CA10: variants seen among roughly 807,000 people sequenced by gnomAD.
CA10 encodes the protein carbonic anhydrase-related protein 10.
In CA10, 14 loss-of-function variants were observed where a neutral mutation model predicts 44.2. The ratio of observed to expected loss-of-function variants is 0.32; its 90% CI spans 0.21 to 0.50. CA10 has a LOEUF of 0.50. Among genes scored for constraint, CA10 ranks in the 20% least tolerant of loss-of-function variants. The pLI is 0.99. For missense variants in CA10, 350 were observed against 409.7 expected, an observed-to-expected ratio of 0.85 and a Z score of 1.26; for synonymous variants, 159 against 141.6, an observed-to-expected ratio of 1.12 and a Z score of -0.87.
intron 3 of CA10, among the ~76,000 whole-genome samples, chr17:51,799,234 G>A (rs927359869): frequency 5.9e-5 from 9 of 152,070 alleles, no homozygotes; most frequent in South Asian, 2.1e-4. Flanking sequence ...CAGTTATTTA[G>A]TTCCTTAACA....
chr17:51,777,984 G>C, intron 3 of CA10, among the ~76,000 whole-genome samples: 1 of 152,078 alleles, frequency 6.6e-6, no homozygotes, highest in Non-Finnish European at 1.5e-5. Context: ...TATTGATGGA[G>C]CCTCATCTGT....
chr17:51,979,376 A>G (rs1417617096), intron 2 of CA10, among the ~76,000 whole-genome samples: 1 of 152,122 alleles, frequency 6.6e-6, no homozygotes, highest in African/African-American at 2.4e-5. Flanking sequence ...GTGAATATTT[A>G]TTATATAGGT....
chr17:51,902,502 C>G (rs977340126), intron 3 of CA10, among the ~76,000 whole-genome samples: 13 of 152,118 alleles, frequency 8.5e-5, no homozygotes, highest in African/African-American at 2.2e-4. Context: ...AAATGAGGGG[C>G]AGTGAGCATA....
At chr17:51,887,991 C>T (rs370649657) in intron 3 of CA10, among the ~76,000 whole-genome samples, 5 of 152,056 alleles carry the variant, frequency 3.3e-5, no homozygotes, top group East Asian at 1.9e-4. Flanking sequence ...CGCCACTGCA[C>T]TCCAGTCTGG....
Position 51,696,869 on chromosome 17 carries a change from G to T in CA10, c.466-43133C>A, listed in dbSNP as rs193163689. On this transcript the variant is annotated intron_variant, in intron 4 of 8. Transcript: ENST00000451037. The stretch of plus-strand genomic sequence containing the variant: ...GGCAGCAAAAAACAAACATATAGTT[G>T]CATCAAACTAAAACGAGTTTGATGC... Among the ~76,000 whole-genome samples the T allele has an allele frequency of 3.3e-5, 5 of 152,206 alleles. No individual in the cohort carries two copies. In the East Asian group the frequency reaches 9.7e-4, roughly 29 times the overall value.
At chr17:51,902,679 T>C (rs1410369265) in intron 3 of CA10, among the ~76,000 whole-genome samples, 3 of 152,220 alleles carry the variant, frequency 2.0e-5, no homozygotes, top group Admixed American at 2.0e-4. Context: ...AAGATATTTA[T>C]GGATGAAGAT....
chr17:52,035,177 C>T (rs1444590003), intron 2 of CA10, among the ~76,000 whole-genome samples: 1 of 152,130 alleles, frequency 6.6e-6, no homozygotes, highest in Non-Finnish European at 1.5e-5. Flanking sequence ...CCACCCATGG[C>T]CCCACCATGC....
At position 51,649,972 on chromosome 17, in the gene CA10, TCCAGCCAGCCAGTCAGCCAGCCAG is replaced by T. The variant is rs560552699; in HGVS notation, c.562-742_562-719del. Reference sequence around the variant, plus strand: ...ATTCAATCAACCAACCATCCATCCATCCAGCCAGCCAGTCAGCCAGCCAGCCAGCCAGCCACCCACCCAACAAAT... The same window carrying T: ...ATTCAATCAACCAACCATCCATCCATCCAGCCAGCCACCCACCCAACAAAT... On this transcript the variant is annotated intron_variant, in intron 5 of 8. Transcript: ENST00000451037. Among the ~76,000 whole-genome samples, 664 of 119,520 alleles carry T rather than the reference TCCAGCCAGCCAGTCAGCCAGCCAG, an allele frequency of 5.6e-3. 6 individuals carry two copies. Among genetic ancestry groups the T allele is most frequent in the African/African-American group, 0.019 (639 of 34,320 alleles). 78.4% of individuals were successfully genotyped at this position (119,520 alleles called of 152,430 possible).
chr17:52,033,128 A>G (rs1052649335), intron 2 of CA10, among the ~76,000 whole-genome samples: 1 of 152,200 alleles, frequency 6.6e-6, no homozygotes, highest in African/African-American at 2.4e-5. Flanking sequence ...GGAAAAATAG[A>G]TGTTGTTAAG....
chr17:51,818,624 C>G (rs917028137), intron 3 of CA10, among the ~76,000 whole-genome samples: 1 of 152,058 alleles, frequency 6.6e-6, no homozygotes, highest in African/African-American at 2.4e-5. Flanking sequence ...GGATCGCTTT[C>G]GTGATGATGG....
chr17:51,787,553 C>A (rs1906339985), intron 3 of CA10, among the ~76,000 whole-genome samples: 1 of 151,496 alleles, frequency 6.6e-6, no homozygotes. Flanking sequence ...TGCAGTGGTA[C>A]AATCTCAGCT....
intron 4 of CA10, among the ~76,000 whole-genome samples, chr17:51,677,341 T>C (rs1914658639): frequency 2.6e-5 from 4 of 152,072 alleles, no homozygotes; most frequent in Non-Finnish European, 5.9e-5. Flanking sequence ...GAGTGAGTTA[T>C]CATGAGATGT....
intron 1 of CA10, among the ~76,000 whole-genome samples, chr17:52,127,378 C>T (rs916453065): frequency 1.3e-5 from 2 of 148,890 alleles, no homozygotes; most frequent in African/African-American, 4.9e-5. Flanking sequence ...TGGGCTGTTT[C>T]TGATGTACTA....
At chr17:52,041,001 T>C (rs906885516) in intron 2 of CA10, among the ~76,000 whole-genome samples, 2 of 151,880 alleles carry the variant, frequency 1.3e-5, no homozygotes, top group South Asian at 4.2e-4. Context: ...AGGTAAATAA[T>C]ACACACAACA....
intron 2 of CA10, among the ~76,000 whole-genome samples, chr17:52,056,169 A>G (rs772107714): frequency 5.3e-5 from 8 of 152,056 alleles, no homozygotes; most frequent in Non-Finnish European, 7.4e-5. Flanking sequence ...AAATCTATAA[A>G]TATGCACTCT....
At chr17:51,675,473 C>T (rs911332680) in intron 4 of CA10, among the ~76,000 whole-genome samples, 2 of 150,588 alleles carry the variant, frequency 1.3e-5, no homozygotes, top group African/African-American at 4.9e-5. Flanking sequence ...GGCTTGAACC[C>T]AGGAGGCAGA....
chr17:51,932,598 T>C (rs1982708769), intron 2 of CA10, among the ~76,000 whole-genome samples: 1 of 152,146 alleles, frequency 6.6e-6, no homozygotes, highest in South Asian at 2.1e-4. Context: ...AAGCCTCTGG[T>C]AGACCATTTC....
chr17:52,052,840 G>A (rs150765970), intron 2 of CA10, among the ~76,000 whole-genome samples: 2 of 152,128 alleles, frequency 1.3e-5, no homozygotes, highest in East Asian at 3.9e-4. Flanking sequence ...GCATATTAAT[G>A]CTAAGTTTGG....
chr17:51,946,335 G>A (rs768978894), intron 2 of CA10, among the ~76,000 whole-genome samples: 12 of 152,118 alleles, frequency 7.9e-5, no homozygotes, highest in South Asian at 4.1e-4. Context: ...GAGGTAAGAC[G>A]TATGTTAATT....
Sources: allele counts gnomAD v4.1 joint callset (sites outside exome capture counted in the v4.1 genomes callset), GRCh38; gene constraint gnomAD v4.1.1; transcripts MANE v1.5; gene names NCBI Gene and HGNC (gene_info 2026-07-23, HGNC 2026-07-21).